Variants in SRGAP1 observed in about 807,000 individuals in gnomAD.
SRGAP1 encodes SLIT-ROBO Rho GTPase-activating protein 1.
In SRGAP1, 43 loss-of-function variants were observed where a neutral mutation model predicts 121.9. The ratio of observed to expected loss-of-function variants is 0.35; its 90% CI spans 0.28 to 0.46. SRGAP1 has a LOEUF of 0.46. Among genes scored for constraint, SRGAP1 ranks in the 20% least tolerant of loss-of-function variants. The probability of loss-of-function intolerance (pLI) is 1.00; values close to 1 mark genes in which losing one functional copy is unlikely to be tolerated. For synonymous variants in SRGAP1, 447 were observed against 485.4 expected (o/e 0.92, Z 1.04); for missense variants, 1,102 against 1,350.9 (o/e 0.82, Z 2.89).
intron 1 of SRGAP1, among the ~76,000 whole-genome samples, chr12:63,886,675 T>C (rs141507502): frequency 4.5e-4 from 69 of 152,180 alleles, no homozygotes; most frequent in African/African-American, 1.6e-3. Context: ...TTCTGCCATG[T>C]TCCCCAGGCT....
At chr12:64,126,915 T>C (rs2036696093) in intron 19 of SRGAP1, among the ~76,000 whole-genome samples, 1 of 152,258 alleles carries the variant, frequency 6.6e-6, no homozygotes, top group Non-Finnish European at 1.5e-5. Context: ...TGAGCATCAA[T>C]GGACCACATA....
chr12:64,087,668 G>A (rs1254185431), intron 11 of SRGAP1, among the ~76,000 whole-genome samples: 1 of 152,084 alleles, frequency 6.6e-6, no homozygotes, highest in East Asian at 1.9e-4. Flanking sequence ...CCCGGCAGGC[G>A]GAGGTTGCAG....
At chr12:63,876,392 G>A (rs1254184018) in intron 1 of SRGAP1, among the ~76,000 whole-genome samples, 1 of 152,084 alleles carries the variant, frequency 6.6e-6, no homozygotes, top group African/African-American at 2.4e-5. Context: ...AGTATCATTT[G>A]GTTAAGCCTG....
At chr12:64,109,879 T>C (rs917434695) in intron 16 of SRGAP1, among the ~76,000 whole-genome samples, 1 of 152,212 alleles carries the variant, frequency 6.6e-6, no homozygotes, top group African/African-American at 2.4e-5. Flanking sequence ...ACAATCCCGC[T>C]GACTAGTCCT....
At chr12:63,901,068 A>G (rs527695556) in intron 1 of SRGAP1, among the ~76,000 whole-genome samples, 1 of 150,850 alleles carries the variant, frequency 6.6e-6, no homozygotes, top group African/African-American at 2.4e-5. Flanking sequence ...TCAGTCATTT[A>G]TTTGCCAGGC....
intron 1 of SRGAP1, among the ~76,000 whole-genome samples, chr12:63,881,635 G>T (rs896375398): frequency 2.6e-5 from 4 of 152,202 alleles, no homozygotes; most frequent in African/African-American, 4.8e-5. Context: ...GTAAAGCACC[G>T]AGTGGTGCCA....
intron 4 of SRGAP1, among the ~76,000 whole-genome samples, chr12:64,023,362 G>A (rs903302199): frequency 9.2e-5 from 14 of 152,074 alleles, no homozygotes; most frequent in Admixed American, 6.5e-4. Context: ...AAAACAAAAT[G>A]TGCCTTCATC....
chr12:63,969,083 A>G (rs1310928641), intron 1 of SRGAP1, among the ~76,000 whole-genome samples: 2 of 152,196 alleles, frequency 1.3e-5, no homozygotes, highest in Non-Finnish European at 2.9e-5. Flanking sequence ...TTTCACAGAG[A>G]AGGAAGATGG....
chr12:63,907,182 T>G (rs1297757028), intron 1 of SRGAP1, among the ~76,000 whole-genome samples: 2 of 151,430 alleles, frequency 1.3e-5, no homozygotes, highest in Non-Finnish European at 3.0e-5. Flanking sequence ...CATCTTCTCA[T>G]GTACTTATGG....
At chr12:64,081,890 T>A (rs1381409560) in intron 10 of SRGAP1, 3 of 150,712 alleles carry the variant, frequency 2.0e-5, no homozygotes, top group African/African-American at 7.3e-5. Context: ...CTCTTTTAAC[T>A]CTTCTGTAGG....
chr12:64,052,990 CTTATT>C (rs2035266337), intron 6 of SRGAP1, among the ~76,000 whole-genome samples: 1 of 152,104 alleles, frequency 6.6e-6, no homozygotes, highest in Non-Finnish European at 1.5e-5. Flanking sequence ...ATTTTTTAGA[CTTATT>C]TTATCAGTTT....
intron 1 of SRGAP1, among the ~76,000 whole-genome samples, chr12:63,929,070 T>C (rs951992389): frequency 6.6e-6 from 1 of 152,086 alleles, no homozygotes; most frequent in East Asian, 1.9e-4. Context: ...GGCCTGGGGG[T>C]TGGGGACCCC....
chr12:63,933,287 C>T (rs2031545592), intron 1 of SRGAP1, among the ~76,000 whole-genome samples: 1 of 152,050 alleles, frequency 6.6e-6, no homozygotes, highest in South Asian at 2.1e-4. Context: ...GTGGTTTTGC[C>T]ATTCTTGGGA....
intron 15 of SRGAP1, among the ~76,000 whole-genome samples, chr12:64,102,065 A>G (rs1480123484): frequency 1.3e-5 from 2 of 152,228 alleles, no homozygotes; most frequent in Non-Finnish European, 2.9e-5. Flanking sequence ...ACAACAACAA[A>G]TACTATGTTT....
At chr12:64,001,862 C>G (rs2033911241) in intron 3 of SRGAP1, among the ~76,000 whole-genome samples, 1 of 152,144 alleles carries the variant, frequency 6.6e-6, no homozygotes, top group Non-Finnish European at 1.5e-5. Context: ...TAGATGAAAT[C>G]AAAAGATAAA....
rs1338782333 is a variant in SRGAP1, at chr12:64,042,890, G to A, written c.590G>A (p.Gly197Asp). 1.2e-6 allele frequency: 2 copies of A among 1,613,582 alleles called. No homozygotes were observed. Among genetic ancestry groups the A allele is most frequent in the African/African-American group, 2.7e-5 (2 of 74,928 alleles). Residue 197 changes from glycine (G) to aspartate (D), a missense_variant, in exon 5 of 22, where the codon GGT (glycine) becomes GAT (aspartate). Transcript: ENST00000355086. ...KQEEKQIGRS[G>D]DPVFHIRLEE... is the part of the protein sequence containing the mutation. ...GAGGAAAAGCAAATTGGGAGATCTG[G>A]TGATCCAGTCTTCCATATTCGACTA...
intron 6 of SRGAP1, among the ~76,000 whole-genome samples, chr12:64,046,928 C>A (rs996499639): frequency 2.6e-5 from 4 of 150,964 alleles, no homozygotes; most frequent in East Asian, 1.9e-4. Context: ...AAAAAAAAAA[C>A]AAAACAAAAC....
intron 8 of SRGAP1, among the ~76,000 whole-genome samples, chr12:64,078,313 C>T (rs1324297655): frequency 2.0e-5 from 3 of 152,128 alleles, no homozygotes; most frequent in Non-Finnish European, 1.5e-5. Context: ...CAGTGTATTC[C>T]TACAATGAAT....
chr12:64,072,239 A>G (rs1018401354), intron 8 of SRGAP1, among the ~76,000 whole-genome samples: 1 of 151,328 alleles, frequency 6.6e-6, no homozygotes, highest in East Asian at 2.0e-4. Context: ...CAGCAATGAC[A>G]AGTAGGAAGT....
Sources: gnomAD v4.1 joint callset for allele counts (sites outside exome capture counted in the v4.1 genomes callset) on GRCh38, gnomAD v4.1.1 for gene constraint, MANE v1.5 for transcripts, NCBI Gene and HGNC (gene_info 2026-07-23, HGNC 2026-07-21) for gene names.